Variants in CLASP1 observed in about 807,000 individuals in gnomAD.
CLASP1 encodes the protein CLIP-associating protein 1.
A neutral mutation model predicts 192.3 loss-of-function variants in CLASP1; 38 were observed. That is an observed-to-expected ratio of 0.20 (90% CI 0.15 to 0.26). CLASP1 has a LOEUF of 0.26. CLASP1 is among the 10% of genes least tolerant of loss of function. The probability of loss-of-function intolerance (pLI) is 1.00; values close to 1 mark genes in which losing one functional copy is unlikely to be tolerated. For missense variants in CLASP1, 1,433 were observed against 1,932.5 expected (o/e 0.74, Z 4.85); for synonymous variants, 691 against 712.8 (o/e 0.97, Z 0.49).
At chr2:121,431,844 A>G (rs2081481179) in intron 19 of CLASP1, among the ~76,000 whole-genome samples, 1 of 151,658 alleles carries the variant, frequency 6.6e-6, no homozygotes, top group African/African-American at 2.4e-5. Flanking sequence ...CACAAGGTCT[A>G]TATTTTTCTA....
intron 32 of CLASP1, among the ~76,000 whole-genome samples, chr2:121,384,167 T>C (rs200509821): frequency 0.039 from 5,514 of 142,016 alleles, 151 homozygotes; most frequent in East Asian, 0.14. Flanking sequence ...CATATATATA[T>C]ATACACACAC....
At chr2:121,371,413 T>G (rs905255456) in intron 34 of CLASP1, among the ~76,000 whole-genome samples, 18 of 151,942 alleles carry the variant, frequency 1.2e-4, no homozygotes, top group African/African-American at 4.1e-4. Context: ...AATTTTTTTT[T>G]TTTTTGTAGA....
intron 28 of CLASP1, among the ~76,000 whole-genome samples, chr2:121,401,190 G>T (rs559444970): frequency 6.6e-6 from 1 of 152,190 alleles, no homozygotes; most frequent in African/African-American, 2.4e-5. Context: ...AAGGTCTTCA[G>T]AGAAATGTAA....
chr2:121,580,898 G>A (rs989549659), intron 2 of CLASP1, among the ~76,000 whole-genome samples: 3 of 152,066 alleles, frequency 2.0e-5, no homozygotes, highest in African/African-American at 4.8e-5. Context: ...AAAAAATATC[G>A]TTCATATCAT....
chr2:121,625,971 C>T (rs996972929), intron 1 of CLASP1, among the ~76,000 whole-genome samples: 3 of 151,776 alleles, frequency 2.0e-5, no homozygotes, highest in African/African-American at 7.3e-5. Flanking sequence ...TGGTGGCACG[C>T]ACCTGTAATC....
At chr2:121,531,054 C>A (rs192603981) in intron 2 of CLASP1, 3 of 696,740 alleles carry the variant, frequency 4.3e-6, no homozygotes, top group Non-Finnish European at 7.9e-6. Context: ...AGCAGTAATT[C>A]GTAAATAAAC....
At chr2:121,633,833 C>G (rs1252804547) in intron 1 of CLASP1, among the ~76,000 whole-genome samples, 1 of 151,782 alleles carries the variant, frequency 6.6e-6, no homozygotes, top group East Asian at 1.9e-4. Context: ...AGTGAAACCC[C>G]GTCTCTACTA....
intron 23 of CLASP1, among the ~76,000 whole-genome samples, chr2:121,416,839 CGAT>C (rs1472133292): frequency 3.3e-5 from 5 of 152,170 alleles, no homozygotes; most frequent in African/African-American, 1.2e-4. Context: ...AAGACTCTGA[CGAT>C]GATAATACCT....
At chr2:121,576,471 G>A (rs961765328) in intron 2 of CLASP1, among the ~76,000 whole-genome samples, 15 of 152,120 alleles carry the variant, frequency 9.9e-5, no homozygotes, top group Non-Finnish European at 2.1e-4. Flanking sequence ...CCTTGTGTTC[G>A]AAGCCTGACA....
At chr2:121,649,069 G>A (rs569179622) in intron 1 of CLASP1, among the ~76,000 whole-genome samples, 6 of 152,304 alleles carry the variant, frequency 3.9e-5, no homozygotes, top group African/African-American at 1.2e-4. Context: ...GGGGGCCCGG[G>A]TGGGGTCTGG....
At position 121,614,025 on chromosome 2, in the gene CLASP1, C is replaced by A. The variant is rs1444045331; in HGVS notation, c.-285-7845G>T. ...TGGCTGTTGGCTGGGCCTCTCTCCA[C>A]ACATGATCTCTAACCATTCAGTGGC... On this transcript the variant is annotated intron_variant, in intron 1 of 39. Coordinates refer to ENST00000263710, the Ensembl canonical transcript of CLASP1. Among the ~76,000 whole-genome samples the A allele has an allele frequency of 2.0e-5, 3 of 152,160 alleles. No homozygotes were observed. In the South Asian group the frequency reaches 6.2e-4, roughly 32 times the overall value.
At chr2:121,648,822 C>G (rs1489885867) in intron 1 of CLASP1, among the ~76,000 whole-genome samples, 2 of 152,258 alleles carry the variant, frequency 1.3e-5, no homozygotes, top group African/African-American at 4.8e-5. Flanking sequence ...TCCCATCAAG[C>G]CGGCCGCTCC....
At chr2:121,485,992 G>A (rs1179596215) in intron 8 of CLASP1, among the ~76,000 whole-genome samples, 15 of 152,180 alleles carry the variant, frequency 9.9e-5, no homozygotes, top group Non-Finnish European at 1.9e-4. Flanking sequence ...GGAAGCCTCT[G>A]CACCCAGACC....
At chr2:121,613,524 T>C (rs985008543) in intron 1 of CLASP1, among the ~76,000 whole-genome samples, 9 of 152,172 alleles carry the variant, frequency 5.9e-5, no homozygotes, top group African/African-American at 1.9e-4. Flanking sequence ...TTGGGAATTT[T>C]GGCCTCTGGT....
At chr2:121,551,497 A>G (rs1365843691) in intron 2 of CLASP1, among the ~76,000 whole-genome samples, 1 of 152,246 alleles carries the variant, frequency 6.6e-6, no homozygotes, top group Non-Finnish European at 1.5e-5. Context: ...CAACTTCAGC[A>G]AAGTTTCTGG....
intron 9 of CLASP1, among the ~76,000 whole-genome samples, chr2:121,463,995 C>A (rs1034603065): frequency 2.8e-5 from 3 of 107,690 alleles, no homozygotes; most frequent in African/African-American, 7.2e-5. Flanking sequence ...TCCCTCCCCC[C>A]TCCCCCCACC....
At chr2:121,517,980 T>C (rs973246547) in intron 6 of CLASP1, among the ~76,000 whole-genome samples, 1 of 143,632 alleles carries the variant, frequency 7.0e-6, no homozygotes, top group Non-Finnish European at 1.5e-5. Context: ...GTTCAGGAGT[T>C]CGAGTTCAGG....
exon 40 of CLASP1, chr2:121,339,641 C>A (rs942825227): frequency 8.5e-5 from 13 of 152,326 alleles, no homozygotes; most frequent in Middle Eastern, 3.4e-3. Flanking sequence ...GGAAGAGAGA[C>A]TCTAAATGTG....
At chr2:121,468,830 A>T (rs1009008615) in intron 9 of CLASP1, among the ~76,000 whole-genome samples, 24 of 152,068 alleles carry the variant, frequency 1.6e-4, no homozygotes, top group African/African-American at 5.8e-4. Flanking sequence ...TATTATCCAC[A>T]TTCTGAGGCC....
Sources: gnomAD v4.1 joint callset for allele counts (sites outside exome capture counted in the v4.1 genomes callset) on GRCh38, gnomAD v4.1.1 for gene constraint, MANE v1.5 for transcripts, NCBI Gene and HGNC (gene_info 2026-07-23, HGNC 2026-07-21) for gene names.